Variants in GRK3 observed in about 807,000 individuals in gnomAD.
The protein encoded by GRK3 is G protein-coupled receptor kinase 3.
A neutral mutation model predicts 95.7 loss-of-function variants in GRK3; 54 were observed. That is an observed-to-expected ratio of 0.56 (90% CI 0.45 to 0.71). The LOEUF is 0.71. Ranked by LOEUF, GRK3 falls within the 30% of genes least tolerant of loss-of-function variation. The probability of loss-of-function intolerance (pLI) is 0.00; values close to 1 mark genes in which losing one functional copy is unlikely to be tolerated. For missense variants in GRK3, 649 were observed against 851.2 expected (o/e 0.76, Z 2.96); for synonymous variants, 281 against 290.8 (o/e 0.97, Z 0.34).
intron 2 of GRK3, among the ~76,000 whole-genome samples, chr22:25,611,091 A>C (rs917353513): frequency 6.6e-6 from 1 of 152,064 alleles, no homozygotes; most frequent in Non-Finnish European, 1.5e-5. Context: ...CGAACTCCTG[A>C]CCTCAAGCCA....
At chr22:25,661,059 T>G (rs1357416541) in intron 3 of GRK3, among the ~76,000 whole-genome samples, 1 of 152,244 alleles carries the variant, frequency 6.6e-6, no homozygotes, top group Non-Finnish European at 1.5e-5. Context: ...CTTTCATCTG[T>G]GGGTTAATTC....
chr22:25,671,929 G>A (rs1453342186), intron 6 of GRK3, among the ~76,000 whole-genome samples: 2 of 152,144 alleles, frequency 1.3e-5, no homozygotes, highest in Non-Finnish European at 2.9e-5. Context: ...TAACAAGAAT[G>A]TAGAATATCT....
chr22:25,689,241 T>G (rs776353087), intron 11 of GRK3, among the ~76,000 whole-genome samples: 1 of 152,190 alleles, frequency 6.6e-6, no homozygotes, highest in Non-Finnish European at 1.5e-5. Flanking sequence ...TTTTATTTCC[T>G]TATGCGAGCT....
chr22:25,594,439 G>C (rs1414723906), intron 1 of GRK3, among the ~76,000 whole-genome samples: 1 of 152,070 alleles, frequency 6.6e-6, no homozygotes, highest in African/African-American at 2.4e-5. Context: ...TGAACACAGA[G>C]GCAAAAATCC....
chr22:25,696,827 C>T (rs1268564519), intron 13 of GRK3, among the ~76,000 whole-genome samples: 1 of 152,214 alleles, frequency 6.6e-6, no homozygotes, highest in African/African-American at 2.4e-5. Context: ...CTTAGAAAGT[C>T]GGGTTCTGTT....
intron 1 of GRK3, among the ~76,000 whole-genome samples, chr22:25,572,559 T>C (rs1039713645): frequency 6.6e-6 from 1 of 152,212 alleles, no homozygotes; most frequent in African/African-American, 2.4e-5. Flanking sequence ...TGGCGTGAGA[T>C]GGTATCTCAT....
chr22:25,658,830 G>A (rs1266767877), intron 3 of GRK3, among the ~76,000 whole-genome samples: 1 of 152,086 alleles, frequency 6.6e-6, no homozygotes. Context: ...CAACTGGGAG[G>A]ATGATTTTAC....
chr22:25,691,157 G>A (rs559186494), intron 12 of GRK3, among the ~76,000 whole-genome samples: 1 of 152,294 alleles, frequency 6.6e-6, no homozygotes, highest in South Asian at 2.1e-4. Context: ...TGGGTGGAAA[G>A]TATGAACACA....
intron 3 of GRK3, chr22:25,647,388 T>C (rs1314335856): frequency 2.3e-6 from 3 of 1,312,808 alleles, no homozygotes; most frequent in Non-Finnish European, 3.3e-6. Flanking sequence ...ATGTCCATCA[T>C]CTTCAGCAAA....
intron 1 of GRK3, among the ~76,000 whole-genome samples, chr22:25,588,686 T>C (rs1932397953): frequency 6.6e-6 from 1 of 152,108 alleles, no homozygotes; most frequent in Admixed American, 6.6e-5. Context: ...CTTGATATGA[T>C]TGTGTGGTCA....
At chr22:25,598,394 C>T (rs1290049735) in intron 1 of GRK3, among the ~76,000 whole-genome samples, 2 of 152,078 alleles carry the variant, frequency 1.3e-5, no homozygotes, top group South Asian at 4.2e-4. Context: ...AGTTCTGGTC[C>T]TGGCTTGGTG....
chr22:25,579,832 A>T (rs967892041), intron 1 of GRK3, among the ~76,000 whole-genome samples: 15 of 143,344 alleles, frequency 1.0e-4, no homozygotes, highest in East Asian at 3.9e-4. Context: ...GCGAAATTTT[A>T]AAAAAATCCC....
chr22:25,576,805 G>A (rs1044151385), intron 1 of GRK3, among the ~76,000 whole-genome samples: 2 of 152,186 alleles, frequency 1.3e-5, no homozygotes, highest in African/African-American at 4.8e-5. Flanking sequence ...TCAGACGTTA[G>A]TGACACAATT....
intron 2 of GRK3, among the ~76,000 whole-genome samples, chr22:25,638,370 G>A (rs2084718724): frequency 6.6e-6 from 1 of 152,154 alleles, no homozygotes; most frequent in Non-Finnish European, 1.5e-5. Flanking sequence ...AAAGATATTT[G>A]CTTAACATAC....
At chr22:25,630,844 A>C (rs1294860105) in intron 2 of GRK3, among the ~76,000 whole-genome samples, 4 of 152,236 alleles carry the variant, frequency 2.6e-5, no homozygotes, top group African/African-American at 9.6e-5. Flanking sequence ...AATTGTGGGC[A>C]GGATGGAGAA....
chr22:25,718,129 A>G (rs1290080951), intron 18 of GRK3, 116 bp from the exon 19 acceptor site: 1 of 1,186,182 alleles, frequency 8.4e-7, no homozygotes, highest in Non-Finnish European at 1.2e-6. Context: ...AATGCGTTCT[A>G]TTTATAGAAA....
intron 2 of GRK3, among the ~76,000 whole-genome samples, chr22:25,627,815 T>C (rs1288630509): frequency 6.6e-6 from 1 of 152,182 alleles, no homozygotes; most frequent in Non-Finnish European, 1.5e-5. Flanking sequence ...CACTGTCATG[T>C]TTAAGAGGAG....
intron 1 of GRK3, among the ~76,000 whole-genome samples, chr22:25,597,204 A>G (rs7286623): frequency 0.023 from 3,452 of 152,304 alleles, 62 homozygotes; most frequent in Middle Eastern, 0.068. Flanking sequence ...GTGAAATATC[A>G]GAAAGAGAAG....
chr22:25,578,448 C>G (rs1290942174), intron 1 of GRK3, among the ~76,000 whole-genome samples: 1 of 152,138 alleles, frequency 6.6e-6, no homozygotes, highest in African/African-American at 2.4e-5. Flanking sequence ...TGATGCCCCC[C>G]TGAAATATCC....
Sources: allele counts gnomAD v4.1 joint callset (sites outside exome capture counted in the v4.1 genomes callset), GRCh38; gene constraint gnomAD v4.1.1; transcripts MANE v1.5; gene names NCBI Gene and HGNC (gene_info 2026-07-23, HGNC 2026-07-21).